The following FAM228B variants were observed in gnomAD, a reference collection of about 807,000 sequenced individuals.
FAM228B encodes family with sequence similarity 228 member B, also known as protein FAM228B.
A neutral mutation model predicts 42.6 loss-of-function variants in FAM228B; 38 were observed. That is an observed-to-expected ratio of 0.89 (90% CI 0.69 to 1.17). FAM228B has a LOEUF of 1.17. Ranked by LOEUF, FAM228B falls within the 50% of genes most tolerant of loss-of-function variation. The pLI is 0.00. For synonymous variants in FAM228B, 109 were observed against 122.3 expected (o/e 0.89, Z 0.72); for missense variants, 344 against 367.3 (o/e 0.94, Z 0.52).
At chr2:24,124,482 A>G in intron 2 of FAM228B, 22 bp downstream of exon 2, 1 of 1,470,542 alleles carries the variant, frequency 6.8e-7, no homozygotes, top group South Asian at 1.3e-5. Flanking sequence ...ATAGTGTGGG[A>G]TTTGGAGATT....
chr2:24,098,104 T>C (rs1665538140), intron 3 of FAM228B, among the ~76,000 whole-genome samples: 1 of 152,196 alleles, frequency 6.6e-6, no homozygotes, highest in Non-Finnish European at 1.5e-5. Context: ...AGACACAACG[T>C]ACCAGAATCT....
intron 2 of FAM228B, among the ~76,000 whole-genome samples, chr2:24,092,468 C>T (rs889668268): frequency 2.0e-5 from 3 of 147,866 alleles, no homozygotes; most frequent in Non-Finnish European, 3.0e-5. Flanking sequence ...CCCAGCTATT[C>T]GGGAGGCGGG....
intron 3 of FAM228B, among the ~76,000 whole-genome samples, chr2:24,101,721 C>T (rs13393069): frequency 0.12 from 18,074 of 151,948 alleles, 1,250 homozygotes; most frequent in South Asian, 0.18. Context: ...CTCGCACTTT[C>T]GCCCACGATG....
At chr2:24,110,407 A>G (rs1296789053) in intron 3 of FAM228B, among the ~76,000 whole-genome samples, 1 of 152,124 alleles carries the variant, frequency 6.6e-6, no homozygotes, top group East Asian at 1.9e-4. Context: ...CAACCCTGTG[A>G]TTAGAGGGCT....
At chr2:24,122,509 T>C (rs1406341852), upstream of FAM228B, 2 of 1,614,002 alleles carry the variant, frequency 1.2e-6, no homozygotes, top group Non-Finnish European at 1.7e-6. Context: ...AGAGGGTGTC[T>C]AACAATAAGC....
chr2:24,136,858 C>T (rs759155155), intron 3 of FAM228B, among the ~76,000 whole-genome samples: 2 of 152,144 alleles, frequency 1.3e-5, no homozygotes, highest in Non-Finnish European at 2.9e-5. Flanking sequence ...CAACCATCAC[C>T]ACTATTTCCA....
chr2:24,103,114 T>C (rs891839299), intron 3 of FAM228B, among the ~76,000 whole-genome samples: 1 of 152,206 alleles, frequency 6.6e-6, no homozygotes, highest in Non-Finnish European at 1.5e-5. Flanking sequence ...CAATGGAGGA[T>C]GAAAGAAATC....
At chr2:24,117,674 C>T (rs891526697) in intron 3 of FAM228B, among the ~76,000 whole-genome samples, 2 of 151,862 alleles carry the variant, frequency 1.3e-5, no homozygotes, top group Non-Finnish European at 2.9e-5. Context: ...AACTCCTGAC[C>T]TCAAGTGATA....
In FAM228B at chr2:24,089,431, G is replaced by A. The variant is rs115565450; in HGVS notation, c.-209-5710G>A. ...AAGTAGTAAAATCTAGAAAAAAAAA[G>A]GAAGATTTTTTTAGCAAAATTACTC... On this transcript the variant is annotated intron_variant, in intron 2 of 10. Transcript: ENST00000613899. Among the ~76,000 whole-genome samples the A allele has an allele frequency of 2.1e-3, 320 of 152,174 alleles. 1 individual carries two copies. Among genetic ancestry groups the A allele is most frequent in the African/African-American group, 7.4e-3 (308 of 41,520 alleles).
At chr2:24,145,484 A>G (rs995133385) in intron 5 of FAM228B, among the ~76,000 whole-genome samples, 3 of 152,176 alleles carry the variant, frequency 2.0e-5, no homozygotes, top group Admixed American at 1.3e-4. Context: ...GTCCTCCCCT[A>G]CGGAAGCAAT....
At position 24,084,423 on chromosome 2, in the gene FAM228B, C is replaced by T; in HGVS notation, c.-210+3468C>T. On this transcript the variant is annotated intron_variant, in intron 2 of 10. Transcript: ENST00000613899. This position sits in a 1 kb window ranked among gnomAD's most constrained non-coding sequence, Gnocchi z 8.4. ...GGGCAGGACAGGACAGGGCAGGGGC[C>T]GCTGTATCCTCGCGGAGCAGCCCAG... 7.6e-7 allele frequency: 1 copy of T among 1,323,838 alleles called. No individual in the cohort carries two copies. Among genetic ancestry groups the T allele is most frequent in the Non-Finnish European group, 1.0e-6 (1 of 999,588 alleles). The allele number at this position is 1,323,838 out of a possible 1,614,324, so 82.0% of individuals were successfully genotyped here. A position where few individuals can be genotyped will look rare whatever the true frequency, so the allele number is the denominator to read the frequency against.
intron 5 of FAM228B, among the ~76,000 whole-genome samples, chr2:24,145,349 A>C (rs190394851): frequency 7.7e-4 from 117 of 152,338 alleles, no homozygotes; most frequent in Non-Finnish European, 1.5e-3. Context: ...CCACCAAGGA[A>C]AACACAGACA....
chr2:24,146,659 G>A (rs1215297121), intron 5 of FAM228B, 89 bp from the exon 6 acceptor site: 2 of 758,752 alleles, frequency 2.6e-6, no homozygotes, highest in South Asian at 1.9e-5. Flanking sequence ...CGGCATAAGA[G>A]CCATCCATAT....
intron 10 of FAM228B, chr2:24,167,940 C>T (rs1667466223): frequency 2.5e-6 from 1 of 396,256 alleles, no homozygotes; most frequent in African/African-American, 2.0e-5. Context: ...ATTCCTATTG[C>T]TTGGAATTTC....
At chr2:24,149,680 A>T (rs1304953484) in intron 7 of FAM228B, among the ~76,000 whole-genome samples, 1 of 152,118 alleles carries the variant, frequency 6.6e-6, no homozygotes, top group Admixed American at 6.5e-5. Flanking sequence ...TGATCCACCC[A>T]CTTCAGCCTC....
chr2:24,167,850 T>A, intron 10 of FAM228B, 167 bp downstream of exon 10: 1 of 751,570 alleles, frequency 1.3e-6, no homozygotes, highest in Non-Finnish European at 2.0e-6. Context: ...TATTTCAGTG[T>A]AAGGCATTCT....
At chr2:24,160,261 A>T (rs1667256691) in intron 7 of FAM228B, among the ~76,000 whole-genome samples, 1 of 152,274 alleles carries the variant, frequency 6.6e-6, no homozygotes, top group African/African-American at 2.4e-5. Context: ...GAGTGCTGGG[A>T]TTACAAGCGT....
At chr2:24,096,476 C>T (rs553622711) in intron 3 of FAM228B, 5 of 152,256 alleles carry the variant, frequency 3.3e-5, no homozygotes, top group East Asian at 1.9e-4. Flanking sequence ...ACAAGAACTT[C>T]GTGACACATG....
At chr2:24,166,054 A>AAAAATAT (rs56146407) in intron 9 of FAM228B, 12 of 81,028 alleles carry the variant, frequency 1.5e-4, no homozygotes, top group South Asian at 1.0e-3. Context: ...AAAAAAAAAA[A>AAAAATAT]ATATATATAT....
Sources: gnomAD v4.1 joint callset for allele counts (sites outside exome capture counted in the v4.1 genomes callset) on GRCh38, gnomAD v4.1.1 for gene constraint, Gnocchi (gnomAD v3.1) non-coding constraint, MANE v1.5 for transcripts, NCBI Gene and HGNC (gene_info 2026-07-23, HGNC 2026-07-21) for gene names.